The following LRRC53 variants were observed in gnomAD, a reference collection of about 807,000 sequenced individuals.
LRRC53 encodes the protein leucine rich repeat containing 53, also known as leucine-rich repeat-containing protein 53.
In LRRC53, 25 loss-of-function variants were observed where a neutral mutation model predicts 13.6. The ratio of observed to expected loss-of-function variants is 1.83; its 90% CI spans 1.34 to 2.56. The LOEUF is 2.56. Among genes scored for constraint, LRRC53 ranks in the 30% most tolerant of loss-of-function variants. The probability of loss-of-function intolerance (pLI) is 0.00; values close to 1 mark genes in which losing one functional copy is unlikely to be tolerated. For missense variants in LRRC53, 527 were observed against 275.8 expected, an observed-to-expected ratio of 1.91 and a Z score of -6.45; for synonymous variants, 204 against 109.8, an observed-to-expected ratio of 1.86 and a Z score of -5.37.
intron 1 of LRRC53, among the ~76,000 whole-genome samples, chr1:74,507,855 G>A (rs1303952687): frequency 6.6e-6 from 1 of 152,194 alleles, no homozygotes; most frequent in African/African-American, 2.4e-5. Context: ...AATTGAAGCA[G>A]CGTTTGTATT....
intron 2 of LRRC53, 89 bp from the exon 3 acceptor site, chr1:74,481,057 G>C (rs921797746): frequency 1.6e-6 from 1 of 610,168 alleles, no homozygotes; most frequent in African/African-American, 1.9e-5. Context: ...AATATCCTCT[G>C]AGCAATCTTA....
intron 2 of LRRC53, among the ~76,000 whole-genome samples, chr1:74,481,950 T>TA (rs1324377110): frequency 1.3e-5 from 2 of 152,130 alleles, no homozygotes; most frequent in Admixed American, 6.5e-5. Flanking sequence ...ACAAAGAGAT[T>TA]AAAAAATACG....
upstream of LRRC53, among the ~76,000 whole-genome samples, chr1:74,513,541 C>T (rs1256624932): frequency 6.6e-6 from 1 of 152,220 alleles, no homozygotes; most frequent in African/African-American, 2.4e-5. Flanking sequence ...TTCTCTTTGT[C>T]TTCCTTTTTT....
At chr1:74,486,123 C>G (rs1292921451) in intron 1 of LRRC53, among the ~76,000 whole-genome samples, 1 of 151,444 alleles carries the variant, frequency 6.6e-6, no homozygotes, top group Admixed American at 6.6e-5. Context: ...TCCTCTGTTC[C>G]TTCAAACAAG....
At chr1:74,496,967 C>G (rs1252215684) in intron 1 of LRRC53, among the ~76,000 whole-genome samples, 1 of 152,082 alleles carries the variant, frequency 6.6e-6, no homozygotes, top group Non-Finnish European at 1.5e-5. Context: ...ACCTAGTTAG[C>G]TGTCCAGAAG....
At chr1:74,535,657 A>C in the LRRC53 span, among the ~76,000 whole-genome samples, 10 of 152,144 alleles carry the variant, frequency 6.6e-5, no homozygotes, top group African/African-American at 2.4e-4. Flanking sequence ...AGAACAATTC[A>C]ATCTATTTTT....
intron 1 of LRRC53, among the ~76,000 whole-genome samples, chr1:74,498,304 G>A (rs1669438541): frequency 6.6e-6 from 1 of 152,038 alleles, no homozygotes; most frequent in South Asian, 2.1e-4. Flanking sequence ...ATCTCAATCA[G>A]CGTAATCACT....
intron 1 of LRRC53, among the ~76,000 whole-genome samples, chr1:74,507,227 C>G (rs1262508771): frequency 7.3e-6 from 1 of 137,014 alleles, no homozygotes; most frequent in Non-Finnish European, 1.6e-5. Context: ...TTCTTCACCC[C>G]CCCCCCATCT....
At chr1:74,512,380 G>T (rs1293956812) in intron 1 of LRRC53, 146 bp downstream of exon 1, 1 of 152,192 alleles carries the variant, frequency 6.6e-6, no homozygotes, top group Non-Finnish European at 1.5e-5. Flanking sequence ...AACTATTCCT[G>T]CACTGATGAC....
chr1:74,503,110 A>T (rs890882526), intron 1 of LRRC53, among the ~76,000 whole-genome samples: 16 of 152,270 alleles, frequency 1.1e-4, no homozygotes, highest in Middle Eastern at 3.4e-3. Flanking sequence ...AGCCAAATGC[A>T]GTCAATGAAT....
the LRRC53 span, among the ~76,000 whole-genome samples, chr1:74,521,826 T>C: frequency 6.6e-6 from 1 of 152,170 alleles, no homozygotes; most frequent in East Asian, 1.9e-4. Flanking sequence ...ATGTTAAGTG[T>C]TTTGATCCCT....
At chr1:74,494,138 C>T (rs1669216035) in intron 1 of LRRC53, among the ~76,000 whole-genome samples, 1 of 152,084 alleles carries the variant, frequency 6.6e-6, no homozygotes, top group Non-Finnish European at 1.5e-5. Flanking sequence ...ACGTGAGCAC[C>T]AAAGCATTTG....
At chr1:74,500,336 A>C (rs1669546185) in intron 1 of LRRC53, among the ~76,000 whole-genome samples, 1 of 151,892 alleles carries the variant, frequency 6.6e-6, no homozygotes, top group Admixed American at 6.6e-5. Flanking sequence ...CCATAAATGC[A>C]CCTTTAAAAA....
chr1:74,483,523 CA>C (rs1227415685), intron 1 of LRRC53, 148 bp from the exon 2 acceptor site: 1 of 527,376 alleles, frequency 1.9e-6, no homozygotes, highest in African/African-American at 1.9e-5. Flanking sequence ...TAAATAACTA[CA>C]TTCCTTAATT....
At chr1:74,516,354 T>C (rs1423081428), upstream of LRRC53, among the ~76,000 whole-genome samples, 1 of 151,978 alleles carries the variant, frequency 6.6e-6, no homozygotes, top group African/African-American at 2.4e-5. Flanking sequence ...ATGATGAAAA[T>C]AAAGGAAAAA....
At chr1:74,501,357 A>T (rs138121595) in intron 1 of LRRC53, among the ~76,000 whole-genome samples, 1 of 152,340 alleles carries the variant, frequency 6.6e-6, no homozygotes, top group African/African-American at 2.4e-5. Flanking sequence ...GAGTTTAAAA[A>T]AAGCTGTAGA....
In LRRC53 at chr1:74,470,949, T is replaced by A; in HGVS notation, c.2673A>T (p.Gln891His). 1 of 400,726 alleles carries A rather than the reference T, an allele frequency of 2.5e-6. No individual in the cohort carries two copies. The highest frequency in any genetic ancestry group is 4.4e-6 in the Non-Finnish European group (1 of 226,180). The allele number at this position is 400,726 out of a possible 1,614,324, so 24.8% of individuals were successfully genotyped here. ...CTTGGTCAGTAGCCCTCCTGGAATG[T>A]TGGAATGGTAAAACATCACTTCCTG... ...ENTGSDVLPFQHSRRATDQGT... is the reference protein window; with the variant it reads ...ENTGSDVLPFHHSRRATDQGT... The change falls in exon 5 of 5, where the codon CAA becomes CAT. Residue 891 changes from glutamine to histidine, a missense_variant. Gln to His is a conservative substitution (Grantham distance 24). Transcript: ENST00000294635.
At chr1:74,520,006 ATT>A in the LRRC53 span, among the ~76,000 whole-genome samples, 118 of 152,062 alleles carry the variant, frequency 7.8e-4, no homozygotes, top group African/African-American at 2.4e-3. Flanking sequence ...TATGTATTTA[ATT>A]TTTTATTTCC....
intron 1 of LRRC53, among the ~76,000 whole-genome samples, chr1:74,494,581 T>C (rs1234436755): frequency 1.3e-5 from 2 of 152,222 alleles, no homozygotes; most frequent in African/African-American, 4.8e-5. Context: ...TACTTGTGTC[T>C]TTTAAAGCTA....
Sources: gnomAD v4.1 joint callset for allele counts (sites outside exome capture counted in the v4.1 genomes callset) on GRCh38, gnomAD v4.1.1 for gene constraint, MANE v1.5 for transcripts, NCBI Gene and HGNC (gene_info 2026-07-23, HGNC 2026-07-21) for gene names.